The following GRIP1 variants were observed in gnomAD, a reference collection of about 807,000 sequenced individuals.
GRIP1 encodes the protein glutamate receptor-interacting protein 1.
Under a neutral mutation model 129.9 loss-of-function variants are expected in GRIP1, and 45 were observed. That is an observed-to-expected ratio of 0.35 (90% confidence interval 0.27 to 0.44). GRIP1 has a LOEUF of 0.44. Among genes scored for constraint, GRIP1 ranks in the 20% least tolerant of loss-of-function variants. GRIP1 has a pLI of 1.00. For missense variants in GRIP1, 1,196 were observed against 1,396.8 expected (o/e 0.86, Z 2.29); for synonymous variants, 530 against 520.8 (o/e 1.02, Z -0.24).
chr12:66,750,364 C>A (rs1405784669), intron 1 of GRIP1, among the ~76,000 whole-genome samples: 1 of 152,098 alleles, frequency 6.6e-6, no homozygotes, highest in Non-Finnish European at 1.5e-5. Flanking sequence ...GTGAAGAAAT[C>A]CTCCTCTTTT....
intron 1 of GRIP1, among the ~76,000 whole-genome samples, chr12:66,948,870 T>A (rs562216428): frequency 6.6e-6 from 1 of 152,344 alleles, no homozygotes; most frequent in African/African-American, 2.4e-5. Context: ...ATGAAATTTG[T>A]TGTATGTCTA....
intron 1 of GRIP1, among the ~76,000 whole-genome samples, chr12:66,884,790 G>A (rs1313411537): frequency 6.6e-6 from 1 of 152,074 alleles, no homozygotes; most frequent in African/African-American, 2.4e-5. Flanking sequence ...TTACACAGGT[G>A]TAGAAGAATA....
chr12:66,575,212 AT>A (rs1337724083), intron 2 of GRIP1, among the ~76,000 whole-genome samples: 1 of 152,264 alleles, frequency 6.6e-6, no homozygotes, highest in African/African-American at 2.4e-5. Context: ...CTACTTATAT[AT>A]TTTTTTGAAG....
In GRIP1 at chr12:67,063,838, T is replaced by A. The variant is rs538548358; in HGVS notation, c.58+5212A>T. Reference sequence around the variant, plus strand: ...AAAGTATTAACTGAAGCCTCTTTGTTTGACCACTGGGCTGTCTGTTAGGTA... The same window carrying A: ...AAAGTATTAACTGAAGCCTCTTTGTATGACCACTGGGCTGTCTGTTAGGTA... On this transcript the variant is annotated intron_variant, in intron 1 of 1. Transcript: ENST00000643019. Among the ~76,000 whole-genome samples, 5 of 152,320 alleles carry A rather than the reference T, an allele frequency of 3.3e-5. No individual in the cohort carries two copies. The South Asian group carries it at 1.0e-3, about 32-fold the overall frequency.
intron 1 of GRIP1, among the ~76,000 whole-genome samples, chr12:66,819,902 G>A (rs1305394910): frequency 1.3e-5 from 2 of 152,318 alleles, no homozygotes; most frequent in East Asian, 3.9e-4. Flanking sequence ...AATTTCTGTG[G>A]GAACTGATGC....
At position 67,063,856 on chromosome 12, in the gene GRIP1, G is replaced by A. The variant is rs2043577224; in HGVS notation, c.58+5194C>T. 1.3e-5 allele frequency among the ~76,000 whole-genome samples: 2 copies of A among 152,160 alleles called. 1 individual carries two copies. The highest frequency in any genetic ancestry group is 4.1e-4 in the South Asian group (2 of 4,832). ...TCTTTGTTTGACCACTGGGCTGTCT[G>A]TTAGGTAGCCAGAGTTCAGATTTTG... On this transcript the variant is annotated intron_variant, in intron 1 of 1. Coordinates refer to the GRIP1 transcript ENST00000643019.
intron 7 of GRIP1, among the ~76,000 whole-genome samples, chr12:66,478,949 A>G (rs1592398009): frequency 6.6e-6 from 1 of 152,278 alleles, no homozygotes; most frequent in East Asian, 1.9e-4. Context: ...TAATGGGTGC[A>G]GCACACCAAC....
rs928251314 is a variant in GRIP1, at chr12:66,456,228, G to A, written c.1157C>T (p.Pro386Leu). The change falls in exon 10 of 25, where the codon CCA (proline) becomes CTA (leucine). Residue 386 changes from proline to leucine, a missense_variant. This residue lies in a region of GRIP1 where 508 missense variants were observed against 587.0 expected (regional missense o/e 0.87). Coordinates refer to ENST00000359742, the MANE Select transcript of GRIP1 (RefSeq NM_001366722.1). ...AGGTGCTTTCGGGAATGTCAGGGCT[G>A]GTACTCTGCAATGGTCAGGGTGGTA... ...NTYHPDHCRV[P>L]ALTFPKAPPP... 6 of 1,289,338 alleles carry A rather than the reference G, an allele frequency of 4.7e-6. No homozygotes were observed. Among genetic ancestry groups the A allele is most frequent in the Middle Eastern group, 4.2e-4 (2 of 4,714 alleles). 79.9% of individuals were successfully genotyped at this position (1,289,338 alleles called of 1,614,324 possible). A position where few individuals can be genotyped will look rare whatever the true frequency, so the allele number is the denominator to read the frequency against.
At chr12:66,816,851 A>T (rs943363822) in intron 1 of GRIP1, among the ~76,000 whole-genome samples, 1 of 152,198 alleles carries the variant, frequency 6.6e-6, no homozygotes, top group Non-Finnish European at 1.5e-5. Flanking sequence ...CCATTTGCTC[A>T]TGAAATATGT....
chr12:66,746,391 T>C (rs745756790), intron 1 of GRIP1, among the ~76,000 whole-genome samples: 114 of 152,330 alleles, frequency 7.5e-4, no homozygotes, highest in African/African-American at 1.8e-3. Context: ...TTGTTAGAAA[T>C]GCAGAATCTT....
At chr12:66,463,114 C>T (rs763160280) in intron 8 of GRIP1, 21 bp from the exon 9 acceptor site, 13 of 1,606,000 alleles carry the variant, frequency 8.1e-6, no homozygotes, top group Middle Eastern at 1.6e-4. Flanking sequence ...GAGAAATACT[C>T]GGTAAGAGGC....
At chr12:66,393,683 T>A in intron 17 of GRIP1, among the ~76,000 whole-genome samples, 1 of 151,710 alleles carries the variant, frequency 6.6e-6, no homozygotes, top group Non-Finnish European at 1.5e-5. Context: ...GGGTGGGGAG[T>A]GGGTGTGTGT....
At chr12:66,743,552 A>G (rs1480021) in intron 1 of GRIP1, among the ~76,000 whole-genome samples, 85,100 of 151,772 alleles carry the variant, frequency 0.56, 24,102 homozygotes, top group East Asian at 0.77. Flanking sequence ...TTTCCAAGGG[A>G]CAAGTTGAAT....
intron 1 of GRIP1, among the ~76,000 whole-genome samples, chr12:66,664,183 T>G (rs2033668216): frequency 6.6e-6 from 1 of 152,120 alleles, no homozygotes; most frequent in Non-Finnish European, 1.5e-5. Flanking sequence ...CTAGCAGGGT[T>G]AGTTTTATGA....
chr12:66,868,268 G>A (rs1468044437), intron 1 of GRIP1, among the ~76,000 whole-genome samples: 1 of 152,056 alleles, frequency 6.6e-6, no homozygotes, highest in Admixed American at 6.6e-5. Flanking sequence ...CTGGCAAACA[G>A]TGAAGCAACA....
At chr12:66,437,068 T>G (rs1025691598) in intron 13 of GRIP1, among the ~76,000 whole-genome samples, 15 of 151,930 alleles carry the variant, frequency 9.9e-5, no homozygotes, top group African/African-American at 3.6e-4. Flanking sequence ...GCTTAAAATA[T>G]TTATAAAATA....
intron 1 of GRIP1, among the ~76,000 whole-genome samples, chr12:66,826,044 A>G (rs990412443): frequency 1.3e-5 from 2 of 152,182 alleles, no homozygotes. Context: ...AATAGCAAAG[A>G]CTTGGAACCA....
intron 1 of GRIP1, among the ~76,000 whole-genome samples, chr12:67,048,797 A>C (rs1258766422): frequency 6.6e-6 from 1 of 152,146 alleles, no homozygotes; most frequent in East Asian, 1.9e-4. Flanking sequence ...TTCCCCACAC[A>C]AGTTCTCTCT....
At chr12:66,432,871 T>G (rs749275781) in intron 13 of GRIP1, among the ~76,000 whole-genome samples, 7 of 152,208 alleles carry the variant, frequency 4.6e-5, no homozygotes, top group Non-Finnish European at 8.8e-5. Flanking sequence ...TCAAGTGTGA[T>G]GCATGCACCA....
Sources: allele counts gnomAD v4.1 joint callset (sites outside exome capture counted in the v4.1 genomes callset), GRCh38; gene constraint gnomAD v4.1.1; regional missense constraint gnomAD v4.1.1; transcripts MANE v1.5; gene names NCBI Gene and HGNC (gene_info 2026-07-23, HGNC 2026-07-21).